CA10: variants seen among roughly 807,000 people sequenced by gnomAD.
The protein encoded by CA10 is carbonic anhydrase-related protein 10.
In CA10, 14 loss-of-function variants were observed where a neutral mutation model predicts 44.2. That is an observed-to-expected ratio of 0.32 (90% CI 0.21 to 0.50). The LOEUF is 0.50. Among genes scored for constraint, CA10 ranks in the 20% least tolerant of loss-of-function variants. CA10 has a pLI of 0.99. For missense variants in CA10, 350 were observed against 409.7 expected, an observed-to-expected ratio of 0.85 and a Z score of 1.26; for synonymous variants, 159 against 141.6, an observed-to-expected ratio of 1.12 and a Z score of -0.87.
At chr17:52,061,525 CA>C (rs1422577636) in intron 2 of CA10, among the ~76,000 whole-genome samples, 2 of 152,112 alleles carry the variant, frequency 1.3e-5, no homozygotes, top group African/African-American at 2.4e-5. Flanking sequence ...TATCCCCACC[CA>C]AATCTCATCT....
intron 3 of CA10, among the ~76,000 whole-genome samples, chr17:51,803,932 T>C (rs1456379024): frequency 2.0e-5 from 3 of 152,314 alleles, no homozygotes; most frequent in Non-Finnish European, 4.4e-5. Context: ...GTTAAGTGCA[T>C]AGGCCCAGGA....
rs190393662 is a variant in CA10, at chr17:51,750,903, G to A, written c.280-3085C>T. On this transcript the variant is annotated intron_variant, in intron 3 of 8. Transcript: ENST00000451037. ...AGAAAATTATTGCCCATTGAATCAA[G>A]GCACTGACTACATTTTATGCTTGTG... Among the ~76,000 whole-genome samples the A allele has an allele frequency of 2.6e-3, 390 of 152,260 alleles. 2 individuals carry two copies. Among genetic ancestry groups the A allele is most frequent in the Non-Finnish European group, 4.5e-3 (307 of 68,010 alleles).
chr17:52,018,846 G>A (rs186706311), intron 2 of CA10, among the ~76,000 whole-genome samples: 4 of 147,056 alleles, frequency 2.7e-5, no homozygotes, highest in African/African-American at 7.3e-5. Flanking sequence ...TATTACAGGT[G>A]GACCTAGTGG....
intron 2 of CA10, among the ~76,000 whole-genome samples, chr17:51,967,215 AGAG>A (rs1435031339): frequency 1.3e-5 from 2 of 151,876 alleles, no homozygotes; most frequent in Admixed American, 6.6e-5. Flanking sequence ...TACAGAGAAA[AGAG>A]AACATTTATA....
chr17:51,782,679 T>A (rs997877090), intron 3 of CA10, among the ~76,000 whole-genome samples: 1 of 152,184 alleles, frequency 6.6e-6, no homozygotes, highest in Non-Finnish European at 1.5e-5. Flanking sequence ...TCTCCTCCAG[T>A]GTGTATGATC....
intron 4 of CA10, among the ~76,000 whole-genome samples, chr17:51,714,053 GGAGA>G (rs1916022139): frequency 1.3e-5 from 2 of 152,122 alleles, no homozygotes. Flanking sequence ...GTGCCCCTAA[GGAGA>G]GAAAGGCCAG....
rs571137552 is a variant in CA10, at chr17:52,157,969, G to A, written c.-183C>T. On this transcript the variant is annotated 5_prime_UTR_variant, in exon 1 of 9. Coordinates refer to ENST00000451037, the MANE Select transcript of CA10 (RefSeq NM_020178.5). The stretch of plus-strand genomic sequence containing the variant: ...TCAATATCGCAGTTTGAATTGTTCC[G>A]GCAAATCTCCCCTCGGGCTCGACGG... The A allele has an allele frequency of 6.3e-6, 4 of 635,958 alleles. No individual in the cohort carries two copies. The highest frequency in any genetic ancestry group is 3.6e-5 in the South Asian group (2 of 56,326). 39.4% of individuals were successfully genotyped at this position (635,958 alleles called of 1,614,324 possible).
intron 4 of CA10, among the ~76,000 whole-genome samples, chr17:51,731,653 T>TA (rs371165542): frequency 0.019 from 2,088 of 109,152 alleles, 62 homozygotes; most frequent in African/African-American, 0.058. Flanking sequence ...AAGGGGCTGG[T>TA]AAAAAAAAAA....
intron 3 of CA10, among the ~76,000 whole-genome samples, chr17:51,929,803 T>C (rs1161938311): frequency 6.6e-6 from 1 of 152,194 alleles, no homozygotes; most frequent in Admixed American, 6.5e-5. Flanking sequence ...TAGGATAGCA[T>C]CGTTTTATAT....
chr17:51,915,820 T>C (rs1451550896), intron 3 of CA10, among the ~76,000 whole-genome samples: 3 of 152,066 alleles, frequency 2.0e-5, no homozygotes, highest in Non-Finnish European at 4.4e-5. Context: ...GTATCTGTCC[T>C]TTTTGTAATC....
At chr17:52,069,581 G>T (rs996861178) in intron 2 of CA10, among the ~76,000 whole-genome samples, 1 of 152,140 alleles carries the variant, frequency 6.6e-6, no homozygotes, top group Non-Finnish European at 1.5e-5. Context: ...ATGGATTTAT[G>T]GCTTATCTTC....
chr17:51,934,652 G>A (rs1413393056), intron 2 of CA10, among the ~76,000 whole-genome samples: 1 of 152,060 alleles, frequency 6.6e-6, no homozygotes, highest in Non-Finnish European at 1.5e-5. Context: ...TTCAGTTCAG[G>A]CGATGTGTTT....
intron 4 of CA10, among the ~76,000 whole-genome samples, chr17:51,693,547 G>A (rs1415796101): frequency 6.6e-6 from 1 of 152,022 alleles, no homozygotes; most frequent in Non-Finnish European, 1.5e-5. Flanking sequence ...TTATGTCCAT[G>A]AGTACCCAAT....
intron 3 of CA10, among the ~76,000 whole-genome samples, chr17:51,846,761 G>A (rs773807753): frequency 5.3e-5 from 8 of 152,178 alleles, no homozygotes; most frequent in Non-Finnish European, 7.3e-5. Context: ...ATGCTGTCGC[G>A]CTTGCTCTAC....
chr17:51,999,920 G>A (rs1055145885), intron 2 of CA10, among the ~76,000 whole-genome samples: 1 of 151,936 alleles, frequency 6.6e-6, no homozygotes, highest in African/African-American at 2.4e-5. Context: ...CTCCTATCAG[G>A]TCTGCTTCTC....
At chr17:52,046,137 T>C (rs996730248) in intron 2 of CA10, among the ~76,000 whole-genome samples, 1 of 151,660 alleles carries the variant, frequency 6.6e-6, no homozygotes, top group Admixed American at 6.6e-5. Context: ...GCATGCAAGG[T>C]TTTTAGCTTT....
chr17:51,788,506 A>G (rs895580816), intron 3 of CA10, among the ~76,000 whole-genome samples: 1 of 152,212 alleles, frequency 6.6e-6, no homozygotes, highest in Non-Finnish European at 1.5e-5. Context: ...GATGACCTCC[A>G]TCTAAATGTT....
At chr17:51,811,248 A>G (rs1907353612) in intron 3 of CA10, among the ~76,000 whole-genome samples, 1 of 152,006 alleles carries the variant, frequency 6.6e-6, no homozygotes, top group South Asian at 2.1e-4. Flanking sequence ...CATCCACACT[A>G]TAAAAATGAC....
chr17:51,876,401 T>C (rs1980083760), intron 3 of CA10, among the ~76,000 whole-genome samples: 1 of 150,596 alleles, frequency 6.6e-6, no homozygotes, highest in Admixed American at 6.6e-5. Context: ...CAGGCTGGTC[T>C]CAAACTCCTG....
Sources: allele counts gnomAD v4.1 joint callset (sites outside exome capture counted in the v4.1 genomes callset), GRCh38; gene constraint gnomAD v4.1.1; transcripts MANE v1.5; gene names NCBI Gene and HGNC (gene_info 2026-07-23, HGNC 2026-07-21).